RNPC3: variants seen among roughly 807,000 people sequenced by gnomAD.
RNPC3 encodes the protein RNA-binding region-containing protein 3.
RNPC3 carries 48 observed loss-of-function variants against 67.5 expected under a neutral mutation model. That is an observed-to-expected ratio of 0.71 (90% CI 0.56 to 0.90). RNPC3 has a LOEUF of 0.90. RNPC3 is among the 40% of genes least tolerant of loss of function. The pLI is 0.00. For missense variants in RNPC3, 637 were observed against 626.1 expected (o/e 1.02, Z -0.19); for synonymous variants, 239 against 210.3 (o/e 1.14, Z -1.18).
rs1022046361 is a variant in RNPC3 at position 103,537,435 on chromosome 1, T to G, written c.718T>G (p.Ser240Ala). The G allele has an allele frequency of 7.2e-6, 11 of 1,536,832 alleles. No homozygotes were observed. Among genetic ancestry groups the G allele is most frequent in the Non-Finnish European group, 8.7e-6 (10 of 1,146,674 alleles). Residue 240 changes from serine to alanine, a missense_variant, in exon 7 of 15, where the codon TCT becomes GCT. Physicochemically the swap from Ser to Ala is moderately conservative, Grantham distance 99 (BLOSUM62 1). Transcript: ENST00000423855. ...TTTGCCAGACGAGGATGAGGAATTA[T>G]CTAGTGAAGAATCAGAATATGAAAG... ...PPLPDEDEELSSEESEYESTD... is the reference protein window; with the variant it reads ...PPLPDEDEELASEESEYESTD...
intron 13 of RNPC3, among the ~76,000 whole-genome samples, chr1:103,551,510 T>C (rs1007383228): frequency 2.0e-5 from 3 of 152,146 alleles, no homozygotes; most frequent in African/African-American, 7.2e-5. Context: ...ATCAGCAAGA[T>C]AGGTAAAGAA....
intron 2 of RNPC3, among the ~76,000 whole-genome samples, chr1:103,529,841 G>A (rs987517169): frequency 6.6e-5 from 10 of 152,270 alleles, no homozygotes; most frequent in Middle Eastern, 3.4e-3. Flanking sequence ...AACCTGGGCC[G>A]CACAGCAGGA....
chr1:103,548,011 T>G (rs1651287940), intron 12 of RNPC3, among the ~76,000 whole-genome samples: 1 of 152,118 alleles, frequency 6.6e-6, no homozygotes, highest in Non-Finnish European at 1.5e-5. Context: ...CCCAAGCTCT[T>G]TGTTGGCCCT....
chr1:103,543,632 G>T (rs1211462767), intron 9 of RNPC3, among the ~76,000 whole-genome samples, 185 bp downstream of exon 9: 2 of 151,606 alleles, frequency 1.3e-5, no homozygotes, highest in Non-Finnish European at 3.0e-5. Flanking sequence ...GATGGTAAAC[G>T]GTGAGATTGT....
At chr1:103,547,433 T>C (rs1651272659) in intron 12 of RNPC3, among the ~76,000 whole-genome samples, 4 of 152,108 alleles carry the variant, frequency 2.6e-5, no homozygotes, top group East Asian at 1.9e-4. Flanking sequence ...GACTTTAACA[T>C]TGCATAAGAA....
At chr1:103,526,860 A>G (rs1570613127) in intron 1 of RNPC3, among the ~76,000 whole-genome samples, 1 of 152,156 alleles carries the variant, frequency 6.6e-6, no homozygotes, top group East Asian at 1.9e-4. Flanking sequence ...GATATTTTAG[A>G]TTTCTCTTCA....
chr1:103,531,120 T>C (rs1349703938), intron 2 of RNPC3, among the ~76,000 whole-genome samples: 2 of 152,208 alleles, frequency 1.3e-5, no homozygotes, highest in Admixed American at 1.3e-4. Context: ...CCTGAGTTAC[T>C]TCACTTAGAA....
chr1:103,554,724 G>C (rs1466211607), intron 14 of RNPC3: 1 of 152,548 alleles, frequency 6.6e-6, no homozygotes, highest in Non-Finnish European at 1.5e-5. Context: ...TGGAGCCTCT[G>C]TGTTTCTTTG....
chr1:103,541,340 C>G lies in RNPC3; in HGVS notation c.768-10C>G. 5 of 1,500,534 alleles carry G rather than the reference C, an allele frequency of 3.3e-6. No homozygotes were observed. The highest frequency in any genetic ancestry group is 4.4e-6 in the Non-Finnish European group (5 of 1,133,648). 93.0% of individuals were successfully genotyped at this position (1,500,534 alleles called of 1,614,324 possible). ...GGAAATTTTGTTTATCATCCCTCTC[C>G]TCATTGTAGAATGAACAAATTAATG... On this transcript the variant is annotated splice_polypyrimidine_tract_variant and intron_variant, in intron 7 of 14. Coordinates refer to ENST00000423855, the MANE Select transcript of RNPC3 (RefSeq NM_017619.4).
intron 9 of RNPC3, among the ~76,000 whole-genome samples, chr1:103,543,860 T>C (rs1309124711): frequency 1.3e-5 from 2 of 151,768 alleles, no homozygotes; most frequent in Admixed American, 6.6e-5. Context: ...AAAATACATA[T>C]ATATATTTTT....
At position 103,551,738 on chromosome 1, in the gene RNPC3, T is replaced by C. The variant is rs1651392522; in HGVS notation, c.1512T>C (p.Ala504=). Residue 504 remains alanine, a synonymous_variant, in exon 14 of 15, where the codon GCT becomes GCC. Coordinates refer to ENST00000423855, the MANE Select transcript of RNPC3 (RefSeq NM_017619.4). ...ATTATTAGCAGTTTGCTCGATCTGC[T>C]AGACCAAAACAAGATCCTAAGGAAG... is the stretch of plus-strand genomic sequence containing the variant. The part of the protein sequence containing the change: ...KPMVVQFARS[A]RPKQDPKEGK... 6.5e-7 allele frequency: 1 copy of C among 1,534,430 alleles called. No homozygotes were observed. The highest frequency in any genetic ancestry group is 1.2e-5 in the South Asian group (1 of 80,718).
At chr1:103,549,979 T>C (rs1403011925) in intron 12 of RNPC3, among the ~76,000 whole-genome samples, 2 of 151,300 alleles carry the variant, frequency 1.3e-5, no homozygotes, top group Non-Finnish European at 2.9e-5. Flanking sequence ...GCCTGGCCTA[T>C]ATAGTGAAAC....
At chr1:103,538,500 A>T (rs1651048444) in intron 7 of RNPC3, among the ~76,000 whole-genome samples, 1 of 152,228 alleles carries the variant, frequency 6.6e-6, no homozygotes, top group African/African-American at 2.4e-5. Flanking sequence ...AGTCAATGTT[A>T]ATGAATCAAC....
chr1:103,544,515 G>A (rs1303502546), intron 9 of RNPC3, among the ~76,000 whole-genome samples: 1 of 151,662 alleles, frequency 6.6e-6, no homozygotes, highest in Non-Finnish European at 1.5e-5. Context: ...TACTATTGCA[G>A]AAAATACTGG....
intron 12 of RNPC3, among the ~76,000 whole-genome samples, chr1:103,547,932 G>T (rs1023649771): frequency 5.9e-5 from 9 of 152,156 alleles, no homozygotes; most frequent in African/African-American, 2.2e-4. Flanking sequence ...CTTGACATCT[G>T]TGCACTGGCA....
At chr1:103,540,562 T>TTA (rs1346891500) in intron 7 of RNPC3, among the ~76,000 whole-genome samples, 2 of 152,218 alleles carry the variant, frequency 1.3e-5, no homozygotes, top group East Asian at 3.8e-4. Flanking sequence ...TTAAAAGGGT[T>TTA]TAAATTACAG....
At chr1:103,554,189 AC>A (rs1300634551) in intron 14 of RNPC3, 1 of 152,330 alleles carries the variant, frequency 6.6e-6, no homozygotes, top group African/African-American at 2.4e-5. Flanking sequence ...CCCTGTCCCT[AC>A]AAAAAATACA....
chr1:103,539,270 T>C (rs903867519), intron 7 of RNPC3, among the ~76,000 whole-genome samples: 2 of 152,190 alleles, frequency 1.3e-5, no homozygotes, highest in African/African-American at 2.4e-5. Flanking sequence ...GAGCAACATA[T>C]ACAAATAATC....
At position 103,533,850 on chromosome 1, in the gene RNPC3, A is replaced by T; in HGVS notation, c.352A>T (p.Lys118Ter). ...SPCPTSGSEK[K>*]KRSDDPVEDD... ...ATGTCCCACTTCAGGCTCTGAAAAA[A>T]AAAAAAGGTATGTAGATCAGTAAAT... Residue 118 changes from lysine to a stop codon, truncating the protein, a stop_gained, in exon 3 of 15, where the codon AAA becomes TAA. Coordinates refer to ENST00000423855, the MANE Select transcript of RNPC3 (RefSeq NM_017619.4). LOFTEE classifies it high-confidence loss of function. 6.9e-7 allele frequency: 1 copy of T among 1,446,650 alleles called. No individual in the cohort carries two copies. The highest frequency in any genetic ancestry group is 9.3e-7 in the Non-Finnish European group (1 of 1,070,336). The allele number at this position is 1,446,650 out of a possible 1,614,324, so 89.6% of individuals were successfully genotyped here. A position where few individuals can be genotyped will look rare whatever the true frequency, so the allele number is the denominator to read the frequency against.
Sources: allele counts gnomAD v4.1 joint callset (sites outside exome capture counted in the v4.1 genomes callset), GRCh38; gene constraint gnomAD v4.1.1; transcripts MANE v1.5; gene names NCBI Gene and HGNC (gene_info 2026-07-23, HGNC 2026-07-21).